The following KIFC3 variants were observed in gnomAD, a reference collection of about 807,000 sequenced individuals.
KIFC3 encodes kinesin-like protein KIFC3.
KIFC3 carries 60 observed loss-of-function variants against 101.8 expected under a neutral mutation model. The ratio of observed to expected loss-of-function variants is 0.59; its 90% CI spans 0.48 to 0.73. KIFC3 has a LOEUF of 0.73. Among genes scored for constraint, KIFC3 ranks in the 30% least tolerant of loss-of-function variants. KIFC3 has a pLI of 0.00. For missense variants in KIFC3, 966 were observed against 1,137.1 expected (o/e 0.85, Z 2.16); for synonymous variants, 476 against 482.7 (o/e 0.99, Z 0.18).
At chr16:57,812,333 C>T (rs1167041387) in intron 1 of KIFC3, among the ~76,000 whole-genome samples, 76 of 143,970 alleles carry the variant, frequency 5.3e-4, no homozygotes, top group Admixed American at 8.6e-4. Flanking sequence ...TGAGCCACTG[C>T]GCCCAGCCCC....
chr16:57,796,485 T>G (rs1251871950), intron 2 of KIFC3, among the ~76,000 whole-genome samples: 1 of 152,224 alleles, frequency 6.6e-6, no homozygotes, highest in Non-Finnish European at 1.5e-5. Context: ...CATGTGCTAA[T>G]CAACCCTCTG....
At chr16:57,761,994 A>G (rs1280397284) in intron 13 of KIFC3, 146 bp downstream of exon 13, 3 of 1,032,448 alleles carry the variant, frequency 2.9e-6, no homozygotes, top group Non-Finnish European at 4.2e-6. Context: ...CCATTGCTCC[A>G]GCACCACCCC....
intron 1 of KIFC3, among the ~76,000 whole-genome samples, chr16:57,835,729 C>A (rs1487869905): frequency 6.6e-6 from 1 of 152,036 alleles, no homozygotes; most frequent in East Asian, 1.9e-4. Flanking sequence ...GCAGGCAGAT[C>A]ACTTGAGGTC....
At chr16:57,815,596 G>A in intron 1 of KIFC3, 1 of 1,289,978 alleles carries the variant, frequency 7.8e-7, no homozygotes, top group Non-Finnish European at 1.0e-6. Flanking sequence ...GGCTGGGGGT[G>A]CCCCCACATG....
rs538642003 is a variant in KIFC3, at chr16:57,789,066, C to G, written c.315+5933G>C. Among the ~76,000 whole-genome samples, 14 of 152,336 alleles carry G rather than the reference C, an allele frequency of 9.2e-5. No homozygotes were observed. The East Asian group carries it at 1.7e-3, about 19-fold the overall frequency. On this transcript the variant is annotated intron_variant, in intron 3 of 19. Coordinates refer to ENST00000445690, the MANE Select transcript of KIFC3 (RefSeq NM_001130100.2). ...TGGCTTGCTTCCGGTGCGCACACCC[C>G]ACAGGCAACCGTCCAGTCCCACCAC...
intron 9 of KIFC3, among the ~76,000 whole-genome samples, chr16:57,767,833 C>G (rs1471341375): frequency 6.6e-6 from 1 of 152,066 alleles, no homozygotes; most frequent in Non-Finnish European, 1.5e-5. Flanking sequence ...CAACCACACT[C>G]AGCTAGTTTT....
rs190217261 is a variant in KIFC3 at position 57,775,676 on chromosome 16, G to A, written c.316-3388C>T. 179 of 985,586 alleles carry A rather than the reference G, an allele frequency of 1.8e-4. 4 individuals are homozygous for A. The Admixed American group carries it at 9.8e-3, about 54-fold the overall frequency. The allele number at this position is 985,586 out of a possible 1,614,324, so 61.1% of individuals were successfully genotyped here. Reference sequence around the variant, plus strand: ...GCCGTCCATGTCTCTAAGCCCAACAGGGGAGGGTCCCGAGTGCCACCCTGG... The same window carrying A: ...GCCGTCCATGTCTCTAAGCCCAACAAGGGAGGGTCCCGAGTGCCACCCTGG... On this transcript the variant is annotated intron_variant, in intron 3 of 19. Coordinates refer to ENST00000445690, the MANE Select transcript of KIFC3 (RefSeq NM_001130100.2).
At chr16:57,806,702 C>T (rs1555627014), upstream of KIFC3, among the ~76,000 whole-genome samples, 2 of 152,196 alleles carry the variant, frequency 1.3e-5, no homozygotes, top group Non-Finnish European at 2.9e-5. Flanking sequence ...AGAGAAGGCT[C>T]CTTAGCAATT....
chr16:57,825,424 A>C (rs1555630628), intron 1 of KIFC3, among the ~76,000 whole-genome samples: 2 of 152,206 alleles, frequency 1.3e-5, no homozygotes, highest in African/African-American at 4.8e-5. Context: ...CAAGGATATG[A>C]GCTTGGATGC....
chr16:57,854,070 G>T (rs2056113677), intron 1 of KIFC3, among the ~76,000 whole-genome samples: 1 of 151,916 alleles, frequency 6.6e-6, no homozygotes, highest in African/African-American at 2.4e-5. Context: ...GCCTCCTGAG[G>T]AGCTGAGACC....
intron 1 of KIFC3, among the ~76,000 whole-genome samples, chr16:57,832,112 C>A (rs938907852): frequency 4.6e-5 from 7 of 152,040 alleles, no homozygotes; most frequent in African/African-American, 1.4e-4. Context: ...CATCCACCTC[C>A]TGGGTTCAAG....
At chr16:57,824,931 A>G (rs1230468527) in intron 1 of KIFC3, among the ~76,000 whole-genome samples, 3 of 152,188 alleles carry the variant, frequency 2.0e-5, no homozygotes, top group Admixed American at 2.0e-4. Flanking sequence ...AATGTGAGCC[A>G]GCACCATTGG....
chr16:57,780,709 C>T (rs1555614082), intron 3 of KIFC3, among the ~76,000 whole-genome samples: 1 of 106,434 alleles, frequency 9.4e-6, no homozygotes, highest in African/African-American at 3.6e-5. Context: ...GAGTCTTGCT[C>T]TGTCACCCAG....
chr16:57,778,421 A>G (rs1296838925), intron 3 of KIFC3, among the ~76,000 whole-genome samples: 5 of 152,242 alleles, frequency 3.3e-5, no homozygotes, highest in Non-Finnish European at 7.3e-5. Context: ...ACAGGCAATA[A>G]AAGAAAAAAT....
intron 13 of KIFC3, 133 bp from the exon 14 acceptor site, chr16:57,761,669 CCTCCTCCAG>C (rs2049874957): frequency 1.1e-6 from 1 of 933,088 alleles, no homozygotes; most frequent in South Asian, 1.5e-5. Context: ...GTGCATCTCT[CCTCCTCCAG>C]CTCCTCCACC....
At chr16:57,812,741 C>T (rs894517412) in intron 1 of KIFC3, among the ~76,000 whole-genome samples, 3 of 152,176 alleles carry the variant, frequency 2.0e-5, no homozygotes, top group Non-Finnish European at 4.4e-5. Context: ...CTGGAAACAC[C>T]GAAACACCGG....
intron 3 of KIFC3, chr16:57,775,088 C>T: frequency 1.3e-6 from 2 of 1,494,506 alleles, no homozygotes; most frequent in Admixed American, 4.4e-5. Flanking sequence ...CACCAGCCAC[C>T]TGCCTGCGGC....
chr16:57,821,835 C>T (rs2055358039), intron 1 of KIFC3, among the ~76,000 whole-genome samples: 1 of 152,096 alleles, frequency 6.6e-6, no homozygotes, highest in African/African-American at 2.4e-5. Context: ...ATGACTTGAG[C>T]CCAGGAGTAC....
In KIFC3 at chr16:57,798,217, G is replaced by A. The variant is rs781839031; in HGVS notation, c.27C>T (p.Asn9=). 1.9e-6 allele frequency: 3 copies of A among 1,549,164 alleles called. No homozygotes were observed. The highest frequency in any genetic ancestry group is 1.2e-5 in the South Asian group (1 of 84,092). ...CCCGCAGCGAGGGCGTGGCTCCCAG[G>A]TTCCACGTCCTGCGAGAGGGGACCA... The part of the protein sequence containing the change: MVPSRRTW[N]LGATPSLRGL... Residue 9 remains asparagine (N), a synonymous_variant, in exon 2 of 20, where the codon AAC becomes AAT. Coordinates refer to ENST00000445690, the MANE Select transcript of KIFC3 (RefSeq NM_001130100.2).
Sources: allele counts gnomAD v4.1 joint callset (sites outside exome capture counted in the v4.1 genomes callset), GRCh38; gene constraint gnomAD v4.1.1; transcripts MANE v1.5; gene names NCBI Gene and HGNC (gene_info 2026-07-23, HGNC 2026-07-21).